The following LRRK2 variants were observed in gnomAD, a reference collection of about 807,000 sequenced individuals.
LRRK2 encodes the protein leucine-rich repeat serine/threonine-protein kinase 2.
LRRK2 carries 203 observed loss-of-function variants against 302.6 expected under a neutral mutation model. The observed-to-expected ratio is 0.67, with a 90% confidence interval of 0.60 to 0.75. LRRK2 has a LOEUF of 0.75. Among genes scored for constraint, LRRK2 ranks in the 30% least tolerant of loss-of-function variants. The probability of loss-of-function intolerance (pLI) is 0.00; values close to 1 mark genes in which losing one functional copy is unlikely to be tolerated. For missense variants in LRRK2, 2,830 were observed against 2,951.0 expected, an observed-to-expected ratio of 0.96 and a Z score of 0.95; for synonymous variants, 1,066 against 1,031.9, an observed-to-expected ratio of 1.03 and a Z score of -0.63.
intron 33 of LRRK2, among the ~76,000 whole-genome samples, chr12:40,316,556 C>G (rs1370485049): frequency 6.6e-6 from 1 of 152,030 alleles, no homozygotes; most frequent in South Asian, 2.1e-4. Context: ...TCTTTAATTA[C>G]TTATTAGCTC....
At chr12:40,282,161 C>T (rs1409300765) in intron 18 of LRRK2, among the ~76,000 whole-genome samples, 2 of 137,916 alleles carry the variant, frequency 1.5e-5, no homozygotes, top group African/African-American at 5.4e-5. Context: ...TTTCTCTTCC[C>T]CTTCCCCTTC....
chr12:40,272,720 G>A (rs1482769158), intron 14 of LRRK2, among the ~76,000 whole-genome samples: 7 of 152,054 alleles, frequency 4.6e-5, no homozygotes, highest in Non-Finnish European at 1.0e-4. Flanking sequence ...AATAATTAGG[G>A]GAGTACGATG....
intron 20 of LRRK2, among the ~76,000 whole-genome samples, chr12:40,292,570 A>T (rs1299592544): frequency 6.6e-6 from 1 of 151,712 alleles, no homozygotes; most frequent in Non-Finnish European, 1.5e-5. Flanking sequence ...ATATTTTATT[A>T]AAATTCTTAA....
intron 41 of LRRK2, among the ~76,000 whole-genome samples, chr12:40,345,412 C>G (rs561884359): frequency 6.6e-6 from 1 of 151,938 alleles, no homozygotes; most frequent in African/African-American, 2.4e-5. Context: ...CACTTGAGGT[C>G]AGGAGTTCAA....
rs186075347 is a variant in LRRK2, at chr12:40,243,718, T to C, written c.838+37T>C. ...AGTTAATATGTCATCACACACTGTA[T>C]GATATACATATACATATAAAACATA... On this transcript the variant is annotated intron_variant, in intron 7 of 50. Transcript: ENST00000298910. The C allele has an allele frequency of 2.5e-4, 399 of 1,587,786 alleles. 3 individuals are homozygous for C. The African/African-American group carries it at 4.8e-3, about 19-fold the overall frequency.
Position 40,364,846 on chromosome 12 carries a change from G to T in LRRK2, c.7186G>T (p.Val2396Leu), listed in dbSNP as rs201139905. 2.5e-6 allele frequency: 4 copies of T among 1,607,820 alleles called. No individual in the cohort carries two copies. In the African/African-American group the frequency reaches 4.0e-5, roughly 16 times the overall value. ...ATGTATACTTTATGGTTCTAGGGAG[G>T]TAATGGTAAAAGAAAACAAGGAATC... ...LIDCVHFLREVMVKENKESKH... is the reference protein window; with the variant it reads ...LIDCVHFLRELMVKENKESKH... The change falls in exon 49 of 51, where the codon GTA becomes TTA. Residue 2396 changes from valine (V) to leucine (L), a missense_variant. Around this residue, in one of 3 missense-constraint regions of LRRK2, gnomAD observed 456 missense variants for 456.3 expected, o/e 1.00. Transcript: ENST00000298910.
intron 47 of LRRK2, among the ~76,000 whole-genome samples, chr12:40,362,804 T>C (rs574851612): frequency 1.8e-4 from 28 of 152,202 alleles, no homozygotes; most frequent in Admixed American, 6.6e-4. Context: ...AAGGTGTTCG[T>C]AATTTTTCTT....
intron 40 of LRRK2, among the ~76,000 whole-genome samples, chr12:40,338,008 C>T (rs1945925172): frequency 6.6e-6 from 1 of 152,210 alleles, no homozygotes; most frequent in Admixed American, 6.5e-5. Flanking sequence ...GTGTTAGCTT[C>T]TCCAACTTGT....
chr12:40,331,445 A>G (rs1348245300), intron 39 of LRRK2, among the ~76,000 whole-genome samples: 1 of 152,120 alleles, frequency 6.6e-6, no homozygotes, highest in Non-Finnish European at 1.5e-5. Flanking sequence ...TTAGTGCTGC[A>G]TTATTTTTTT....
At chr12:40,252,619 T>C (rs1468875759) in intron 10 of LRRK2, among the ~76,000 whole-genome samples, 1 of 152,212 alleles carries the variant, frequency 6.6e-6, no homozygotes, top group Non-Finnish European at 1.5e-5. Flanking sequence ...GTTTCCATTC[T>C]CTTCTCCTCA....
chr12:40,292,052 G>A (rs1216218271), intron 20 of LRRK2, among the ~76,000 whole-genome samples: 1 of 152,026 alleles, frequency 6.6e-6, no homozygotes, highest in Non-Finnish European at 1.5e-5. Flanking sequence ...CCCATATGCA[G>A]ATTACTGGAG....
At position 40,367,001 on chromosome 12, in the gene LRRK2, T is replaced by A. The variant is rs778894917; in HGVS notation, c.7391-5T>A. On this transcript the variant is annotated splice_region_variant and splice_polypyrimidine_tract_variant and intron_variant, in intron 49 of 50. Coordinates refer to ENST00000298910, the MANE Select transcript of LRRK2 (RefSeq NM_198578.4). Reference sequence around the variant, plus strand: ...AGAAAACTTACATATTTTGTTTTTGTAAAGGAAGCCTTAAAAATGTCATGC... The same window carrying A: ...AGAAAACTTACATATTTTGTTTTTGAAAAGGAAGCCTTAAAAATGTCATGC... 16 of 1,607,756 alleles carry A rather than the reference T, an allele frequency of 1.0e-5. No individual in the cohort carries two copies. The highest frequency in any genetic ancestry group is 1.4e-5 in the Non-Finnish European group (16 of 1,175,596).
chr12:40,269,758 C>T (rs772226993), intron 14 of LRRK2, among the ~76,000 whole-genome samples: 4 of 152,182 alleles, frequency 2.6e-5, no homozygotes, highest in African/African-American at 9.6e-5. Flanking sequence ...TCTATGTGTA[C>T]GAATGTATTT....
At chr12:40,231,576 C>CAAAAAAAAAAAAA (rs71078231) in intron 2 of LRRK2, among the ~76,000 whole-genome samples, 1 of 105,882 alleles carries the variant, frequency 9.4e-6, no homozygotes, top group South Asian at 2.8e-4. Flanking sequence ...AAAACAAAAC[C>CAAAAAAAAAAAAA]AAAAAAAAAA....
At chr12:40,297,298 C>A (rs1290403538) in intron 23 of LRRK2, among the ~76,000 whole-genome samples, 3 of 152,160 alleles carry the variant, frequency 2.0e-5, no homozygotes, top group Non-Finnish European at 1.5e-5. Flanking sequence ...GTGAGACATG[C>A]CGGCATTCAA....
rs746359858 is a variant in LRRK2, at chr12:40,251,456, C to T, written c.1102-9C>T. 1.9e-6 allele frequency: 3 copies of T among 1,611,268 alleles called. No individual in the cohort carries two copies. The highest frequency in any genetic ancestry group is 1.7e-4 in the Middle Eastern group (1 of 6,050). On this transcript the variant is annotated splice_polypyrimidine_tract_variant and intron_variant, in intron 9 of 50. Coordinates refer to ENST00000298910, the MANE Select transcript of LRRK2 (RefSeq NM_198578.4). ...TTTTGACAGATTTCTTTTTTCTCCC[C>T]TAATCCAGGAGGCCGCATGCTGGGC...
At chr12:40,301,388 C>T (rs774281280) in intron 25 of LRRK2, among the ~76,000 whole-genome samples, 1 of 152,116 alleles carries the variant, frequency 6.6e-6, no homozygotes, top group Non-Finnish European at 1.5e-5. Flanking sequence ...CAGGCCACAG[C>T]ACTCCAGCCT....
intron 3 of LRRK2, among the ~76,000 whole-genome samples, chr12:40,235,263 A>G (rs1396469429): frequency 1.3e-5 from 2 of 152,152 alleles, no homozygotes; most frequent in African/African-American, 4.8e-5. Flanking sequence ...TTGAACCCAG[A>G]AGTTTAGACC....
In LRRK2 at chr12:40,331,951, C is replaced by T. The variant is rs140305718; in HGVS notation, c.5758-3016C>T. Reference sequence around the variant, plus strand: ...TGTGATAAACTGGTTCCAGGCTTCACGAGTACTTATTCCAAGTACAGAAGG... The same window carrying T: ...TGTGATAAACTGGTTCCAGGCTTCATGAGTACTTATTCCAAGTACAGAAGG... On this transcript the variant is annotated intron_variant, in intron 39 of 50. Coordinates refer to ENST00000298910, the MANE Select transcript of LRRK2 (RefSeq NM_198578.4). Among the ~76,000 whole-genome samples, 187 of 152,232 alleles carry T rather than the reference C, an allele frequency of 1.2e-3. 1 individual carries two copies. Among genetic ancestry groups the T allele is most frequent in the African/African-American group, 4.3e-3 (178 of 41,548 alleles).
Sources: allele counts gnomAD v4.1 joint callset (sites outside exome capture counted in the v4.1 genomes callset), GRCh38; gene constraint gnomAD v4.1.1; regional missense constraint gnomAD v4.1.1; transcripts MANE v1.5; gene names NCBI Gene and HGNC (gene_info 2026-07-23, HGNC 2026-07-21).